The following SV2B variants were observed in gnomAD, a reference collection of about 807,000 sequenced individuals.
SV2B encodes synaptic vesicle glycoprotein 2B, also known as solute carrier family 22 member B2.
SV2B carries 41 observed loss-of-function variants against 73.9 expected under a neutral mutation model. The observed-to-expected ratio is 0.56, with a 90% CI of 0.43 to 0.72. SV2B has a LOEUF of 0.72. Among genes scored for constraint, SV2B ranks in the 30% least tolerant of loss-of-function variants. SV2B has a pLI of 0.00. For missense variants in SV2B, 764 were observed against 857.8 expected (o/e 0.89, Z 1.37); for synonymous variants, 314 against 314.2 (o/e 1.00, Z 0.01).
rs1268211747 is a variant in SV2B at position 91,261,237 on chromosome 15, T to A, written c.1008+828T>A. On this transcript the variant is annotated intron_variant, in intron 6 of 12. Coordinates refer to ENST00000394232, the MANE Select transcript of SV2B (RefSeq NM_001323032.3). This position sits in a 1 kb window ranked among gnomAD's most constrained non-coding sequence, Gnocchi z 4.7. ...GAGATAGTGCCACTGCACTCCAGCC[T>A]GGGCAACAGAGCAGGACTGTGTCTG... Among the ~76,000 whole-genome samples the A allele has an allele frequency of 6.6e-6, 1 of 150,858 alleles. No homozygotes were observed.
intron 4 of SV2B, among the ~76,000 whole-genome samples, chr15:91,255,174 A>T (rs1329020911): frequency 6.6e-6 from 1 of 152,068 alleles, no homozygotes; most frequent in Admixed American, 6.5e-5. Flanking sequence ...AGACACACAC[A>T]CTATTGTCTA....
At chr15:91,200,937 A>T (rs1431980352) in intron 1 of SV2B, among the ~76,000 whole-genome samples, 1 of 152,172 alleles carries the variant, frequency 6.6e-6, no homozygotes, top group African/African-American at 2.4e-5. Flanking sequence ...AAAACAAAAC[A>T]AAACTGAAAG....
chr15:91,266,798 C>T (rs565311185), intron 7 of SV2B, 106 bp downstream of exon 7: 6 of 905,020 alleles, frequency 6.6e-6, no homozygotes, highest in South Asian at 1.9e-5. Flanking sequence ...CCTGGGCCAG[C>T]GTGATGGAGA....
intron 9 of SV2B, among the ~76,000 whole-genome samples, chr15:91,278,596 G>A (rs983456999): frequency 7.4e-6 from 1 of 135,306 alleles, no homozygotes; most frequent in Admixed American, 7.2e-5. Context: ...GGAGAATGGC[G>A]TGAACCCGGG....
At position 91,268,556 on chromosome 15, in the gene SV2B, T is replaced by C. The variant is rs781583501; in HGVS notation, c.1324T>C (p.Phe442Leu). Residue 442 changes from phenylalanine to leucine, a missense_variant, in exon 9 of 13, where the codon TTC becomes CTC. Phe to Leu is a conservative substitution (Grantham distance 22, BLOSUM62 0). Transcript: ENST00000394232. The surrounding 1 kb of genome is among the most constrained non-coding windows in gnomAD (Gnocchi z 4.4). ...GCATGTGTACGGCGCCACAATCAAC[T>C]TCACGATGGAAAATCAGATCCACCA... ...GEHVYGATIN[F>L]TMENQIHQHG... is the part of the protein sequence containing the mutation. 1 of 1,613,864 alleles carries C rather than the reference T, an allele frequency of 6.2e-7. No homozygotes were observed. The highest frequency in any genetic ancestry group is 2.2e-5 in the East Asian group (1 of 44,880).
At chr15:91,255,505 A>C (rs1310099628) in intron 4 of SV2B, among the ~76,000 whole-genome samples, 1 of 152,182 alleles carries the variant, frequency 6.6e-6, no homozygotes, top group Non-Finnish European at 1.5e-5. Context: ...AAAAGACTAC[A>C]AATTGTGTGC....
At chr15:91,175,353 C>T (rs2044265857) in intron 1 of SV2B, among the ~76,000 whole-genome samples, 1 of 151,848 alleles carries the variant, frequency 6.6e-6, no homozygotes, top group Admixed American at 6.6e-5. Flanking sequence ...CTCCTGGGTT[C>T]CAGTGATTCT....
chr15:91,216,676 G>A (rs1003188894), intron 1 of SV2B, among the ~76,000 whole-genome samples: 3 of 151,614 alleles, frequency 2.0e-5, no homozygotes, highest in African/African-American at 7.3e-5. Context: ...TCTCCATGTT[G>A]GTCAGGCTGG....
chr15:91,265,344 C>T lies in SV2B; in HGVS notation c.1009-1238C>T, dbSNP rs1298769269. Among the ~76,000 whole-genome samples, 3 of 152,266 alleles carry T rather than the reference C, an allele frequency of 2.0e-5. No homozygotes were observed. In the East Asian group the frequency reaches 5.8e-4, roughly 29 times the overall value. On this transcript the variant is annotated intron_variant, in intron 6 of 12. Transcript: ENST00000394232. This position sits in a 1 kb window ranked among gnomAD's most constrained non-coding sequence, Gnocchi z 4.2. Reference sequence around the variant, plus strand: ...CCCACGATCTGCAGGGCTGGGGGAACACAGGCCATATTCTAATTTAGACTG... The same window carrying T: ...CCCACGATCTGCAGGGCTGGGGGAATACAGGCCATATTCTAATTTAGACTG...
chr15:91,267,662 A>G lies in SV2B; in HGVS notation c.1208+19A>G. 4 of 1,593,350 alleles carry G rather than the reference A, an allele frequency of 2.5e-6. No homozygotes were observed. Among genetic ancestry groups the G allele is most frequent in the Non-Finnish European group, 2.6e-6 (3 of 1,164,842 alleles). The stretch of plus-strand genomic sequence containing the variant: ...CATTCAGGTAAGTTCTGTCTTACTT[A>G]AATTTCGTAATTCCCTGTGCCTCAG... On this transcript the variant is annotated intron_variant, in intron 8 of 12. Coordinates refer to ENST00000394232, the MANE Select transcript of SV2B (RefSeq NM_001323032.3). This position sits in a 1 kb window ranked among gnomAD's most constrained non-coding sequence, Gnocchi z 4.3.
At chr15:91,133,273 A>G (rs1026980081) in intron 1 of SV2B, among the ~76,000 whole-genome samples, 9 of 152,232 alleles carry the variant, frequency 5.9e-5, no homozygotes, top group African/African-American at 1.9e-4. Context: ...GGGCTGATGC[A>G]CTAGGAAGCA....
Position 91,284,023 on chromosome 15 carries a change from C to A in SV2B, c.1510C>A (p.Leu504Ile). 1.2e-6 allele frequency: 2 copies of A among 1,614,172 alleles called. No homozygotes were observed. Among genetic ancestry groups the A allele is most frequent in the Non-Finnish European group, 1.7e-6 (2 of 1,180,024 alleles). Reference protein sequence around the residue: ...IESTIFYNTDLYEHKFINCRF... With the variant: ...IESTIFYNTDIYEHKFINCRF... ...CGAAGGTTTCCTTCTCTCCCCAGAC[C>A]TCTACGAGCACAAGTTCATCAACTG... The change falls in exon 11 of 13, where the codon CTC (leucine) becomes ATC (isoleucine). Residue 504 changes from leucine to isoleucine, a missense_variant and splice_region_variant. By Grantham distance (5) the Leu-to-Ile change is conservative. Coordinates refer to ENST00000394232, the MANE Select transcript of SV2B (RefSeq NM_001323032.3). This position sits in a 1 kb window ranked among gnomAD's most constrained non-coding sequence, Gnocchi z 4.5.
At chr15:91,153,076 G>A (rs1467095506) in intron 1 of SV2B, among the ~76,000 whole-genome samples, 2 of 152,134 alleles carry the variant, frequency 1.3e-5, no homozygotes, top group Non-Finnish European at 2.9e-5. Context: ...ACATGCAGAA[G>A]GGCTAAAGGG....
Position 91,258,100 on chromosome 15 carries a change from G to C in SV2B, c.785-321G>C, listed in dbSNP as rs962804580. 7.2e-5 allele frequency among the ~76,000 whole-genome samples: 11 copies of C among 152,162 alleles called. No individual in the cohort carries two copies. Among genetic ancestry groups the C allele is most frequent in the Admixed American group, 2.0e-4 (3 of 15,280 alleles). On this transcript the variant is annotated intron_variant, in intron 4 of 12. Transcript: ENST00000394232. This position sits in a 1 kb window ranked among gnomAD's most constrained non-coding sequence, Gnocchi z 4.7. Reference sequence around the variant, plus strand: ...GAGATACGGGCTATTGTTTCTGTTTGTACTCTTATCCGAGGCTCTGTAAAT... The same window carrying C: ...GAGATACGGGCTATTGTTTCTGTTTCTACTCTTATCCGAGGCTCTGTAAAT...
At chr15:91,185,361 A>G (rs2044730262) in intron 1 of SV2B, among the ~76,000 whole-genome samples, 1 of 152,210 alleles carries the variant, frequency 6.6e-6, no homozygotes, top group African/African-American at 2.4e-5. Flanking sequence ...GCATTTTTGC[A>G]TGTAGTTATT....
chr15:91,162,721 G>A (rs776632304), intron 1 of SV2B, among the ~76,000 whole-genome samples: 1 of 152,180 alleles, frequency 6.6e-6, no homozygotes, highest in Non-Finnish European at 1.5e-5. Flanking sequence ...GTTGGAGGCC[G>A]AAGTTCCTGT....
chr15:91,284,164 C>T lies in SV2B; in HGVS notation c.1651C>T (p.Pro551Ser). ...CTTCCTGGGCAGCCTGTCTGTCTTA[C>T]CCGGGAACATCATTTCTGCCCTGCT... Reference protein sequence around the residue: ...VSFLGSLSVLPGNIISALLMD... With the variant: ...VSFLGSLSVLSGNIISALLMD... The change falls in exon 11 of 13, where the codon CCC (proline) becomes TCC (serine). Residue 551 changes from proline to serine, a missense_variant. By Grantham distance (74) the Pro-to-Ser change is moderately conservative. Transcript: ENST00000394232. The surrounding 1 kb of genome is among the most constrained non-coding windows in gnomAD (Gnocchi z 4.5). 6 of 1,614,190 alleles carry T rather than the reference C, an allele frequency of 3.7e-6. No homozygotes were observed. In the Admixed American group the frequency reaches 5.0e-5, roughly 13 times the overall value.
intron 9 of SV2B, among the ~76,000 whole-genome samples, chr15:91,272,610 T>C (rs1233040100): frequency 6.6e-6 from 1 of 151,954 alleles, no homozygotes; most frequent in African/African-American, 2.4e-5. Flanking sequence ...CTCTCTTGAG[T>C]TTTTAGTAAA....
At position 91,130,914 on chromosome 15, in the gene SV2B, CAAAAGGAGGAGATGGTTGATGG is replaced by C. The variant is rs963996700; in HGVS notation, c.-392+30553_-392+30574del. Among the ~76,000 whole-genome samples the C allele has an allele frequency of 3.3e-5, 5 of 151,736 alleles. No homozygotes were observed. Among genetic ancestry groups the C allele is most frequent in the African/African-American group, 1.2e-4 (5 of 41,276 alleles). On this transcript the variant is annotated intron_variant, in intron 1 of 12. Transcript: ENST00000394232. This position sits in a 1 kb window ranked among gnomAD's most constrained non-coding sequence, Gnocchi z 5.6. The stretch of plus-strand genomic sequence containing the variant: ...TGTGAGGAGAAGGAACTTGAAGATG[CAAAAGGAGGAGATGGTTGATGG>C]ATCCAAGTTCAGGAACACATGGGAG...
Sources: gnomAD v4.1 joint callset for allele counts (sites outside exome capture counted in the v4.1 genomes callset) on GRCh38, gnomAD v4.1.1 for gene constraint, Gnocchi (gnomAD v3.1) non-coding constraint, MANE v1.5 for transcripts, NCBI Gene and HGNC (gene_info 2026-07-23, HGNC 2026-07-21) for gene names.